Variants in RERE observed in about 807,000 individuals in gnomAD.
RERE encodes arginine-glutamic acid dipeptide repeats protein.
A neutral mutation model predicts 146.1 loss-of-function variants in RERE; 40 were observed. The observed-to-expected ratio is 0.27, with a 90% CI of 0.21 to 0.36. RERE has a LOEUF of 0.36. RERE is among the 10% of genes least tolerant of loss of function. The probability of loss-of-function intolerance (pLI) is 1.00; values close to 1 mark genes in which losing one functional copy is unlikely to be tolerated. For missense variants in RERE, 1,933 were observed against 2,138.7 expected (o/e 0.90, Z 1.90); for synonymous variants, 1,003 against 866.0 (o/e 1.16, Z -2.78).
intron 11 of RERE, among the ~76,000 whole-genome samples, chr1:8,462,833 G>A (rs927175495): frequency 2.6e-5 from 4 of 152,088 alleles, no homozygotes; most frequent in African/African-American, 9.7e-5. Context: ...GAGCCCAACA[G>A]TTTGAGTCCA....
At chr1:8,639,826 T>C (rs1295322133) in intron 2 of RERE, among the ~76,000 whole-genome samples, 1 of 152,204 alleles carries the variant, frequency 6.6e-6, no homozygotes, top group Non-Finnish European at 1.5e-5. Context: ...ATCAATTTGG[T>C]AACTGCACAG....
intron 1 of RERE, among the ~76,000 whole-genome samples, chr1:8,760,526 G>C (rs747119071): frequency 3.3e-5 from 5 of 152,160 alleles, no homozygotes; most frequent in African/African-American, 1.2e-4. Context: ...TTGGTGTGAA[G>C]GGTGAGAGGT....
At chr1:8,750,435 A>G (rs1219949699) in intron 1 of RERE, 1 of 809,118 alleles carries the variant, frequency 1.2e-6, no homozygotes, top group Non-Finnish European at 2.1e-6. Context: ...GGAACCATGG[A>G]GGGTGTTGAA....
chr1:8,444,764 C>G (rs1039339534), intron 11 of RERE, among the ~76,000 whole-genome samples: 1 of 152,150 alleles, frequency 6.6e-6, no homozygotes, highest in African/African-American at 2.4e-5. Context: ...AGCCCCACCC[C>G]CTTGCTCCTT....
chr1:8,657,323 G>GAAAAAAAAAAAAAAAAAAAAAAAAAAAA, intron 1 of RERE, among the ~76,000 whole-genome samples: 1 of 50,154 alleles, frequency 2.0e-5, no homozygotes, highest in Non-Finnish European at 4.4e-5. Context: ...AAAAAAAAAA[G>GAAAAAAAAAAAAAAAAAAAAAAAAAAAA]AAGAAGAAAA....
intron 1 of RERE, among the ~76,000 whole-genome samples, chr1:8,690,030 T>C (rs1639176326): frequency 1.3e-5 from 2 of 152,196 alleles, no homozygotes; most frequent in South Asian, 4.1e-4. Context: ...TCAGTCTCTG[T>C]AGTAACATAC....
chr1:8,719,233 CT>C (rs1639815538), intron 1 of RERE, among the ~76,000 whole-genome samples: 1 of 152,184 alleles, frequency 6.6e-6, no homozygotes, highest in Non-Finnish European at 1.5e-5. Flanking sequence ...GAGCAAGCCC[CT>C]TTCCTGCCTC....
chr1:8,595,489 A>T (rs1440714557), intron 4 of RERE, among the ~76,000 whole-genome samples: 3 of 151,392 alleles, frequency 2.0e-5, no homozygotes, highest in Admixed American at 2.0e-4. Flanking sequence ...GTATTATTTT[A>T]ATGTATTTAT....
intron 1 of RERE, among the ~76,000 whole-genome samples, chr1:8,699,684 C>A (rs1312921972): frequency 6.6e-6 from 1 of 152,218 alleles, no homozygotes; most frequent in Non-Finnish European, 1.5e-5. Flanking sequence ...AATGTTTTAA[C>A]TTCTTTTAAT....
At chr1:8,812,522 C>T (rs946107527) in intron 1 of RERE, among the ~76,000 whole-genome samples, 2 of 152,156 alleles carry the variant, frequency 1.3e-5, no homozygotes, top group African/African-American at 4.8e-5. Context: ...TGGCACATGT[C>T]TGTAATCCCA....
intron 4 of RERE, among the ~76,000 whole-genome samples, chr1:8,604,576 A>AGAAG (rs1162451160): frequency 1.8e-4 from 19 of 106,836 alleles, no homozygotes; most frequent in African/African-American, 6.2e-4. Flanking sequence ...GTTTAAAAAA[A>AGAAG]GAAGGAAGGA....
At chr1:8,808,249 C>T (rs1303217184) in intron 1 of RERE, among the ~76,000 whole-genome samples, 4 of 150,984 alleles carry the variant, frequency 2.6e-5, no homozygotes, top group South Asian at 2.1e-4. Flanking sequence ...TTACTCTATT[C>T]ACTTGGTATT....
intron 10 of RERE, among the ~76,000 whole-genome samples, chr1:8,470,767 T>C (rs916096605): frequency 1.2e-4 from 18 of 149,328 alleles, no homozygotes; most frequent in Non-Finnish European, 2.4e-4. Flanking sequence ...TTCTACCTTG[T>C]AGAAATCTTG....
rs550586094 is a variant in RERE at position 8,674,858 on chromosome 1, T to G, written c.-144-18417A>C. On this transcript the variant is annotated intron_variant, in intron 1 of 22. Transcript: ENST00000400908. ...AAGCATATACTGAAGAACTCTAGTC[T>G]CTAGTGACCCTTCAGCTCACCTGGA... 4.3e-4 allele frequency among the ~76,000 whole-genome samples: 65 copies of G among 152,294 alleles called. 1 individual carries two copies. Among genetic ancestry groups the G allele is most frequent in the Admixed American group, 2.5e-3 (39 of 15,298 alleles).
intron 2 of RERE, among the ~76,000 whole-genome samples, chr1:8,638,782 A>ATTTT (rs1557450012): frequency 1.5e-5 from 2 of 134,360 alleles, no homozygotes; most frequent in African/African-American, 5.9e-5. Flanking sequence ...GACGAAAAAA[A>ATTTT]ATTTTTTTTT....
At chr1:8,697,254 C>G (rs1241605184) in intron 1 of RERE, among the ~76,000 whole-genome samples, 1 of 152,114 alleles carries the variant, frequency 6.6e-6, no homozygotes, top group Non-Finnish European at 1.5e-5. Context: ...AAGAAGGTAA[C>G]AGTAAGAAAT....
At chr1:8,439,664 G>A (rs754340837) in intron 11 of RERE, among the ~76,000 whole-genome samples, 2 of 152,228 alleles carry the variant, frequency 1.3e-5, no homozygotes, top group African/African-American at 2.4e-5. Flanking sequence ...ACCCCCTGGC[G>A]GTTCCAGGTG....
In RERE at chr1:8,645,167, A is replaced by C. The variant is rs116165214; in HGVS notation, c.325+10806T>G. 7.6e-3 allele frequency among the ~76,000 whole-genome samples: 1,162 copies of C among 152,250 alleles called. 17 individuals carry two copies. The highest frequency in any genetic ancestry group is 0.027 in the African/African-American group (1,127 of 41,548). On this transcript the variant is annotated intron_variant, in intron 2 of 22. Coordinates refer to ENST00000400908, the MANE Select transcript of RERE (RefSeq NM_001042681.2). ...ATCCAGTAGATAGAAGGTGCTTTAA[A>C]ACTGGTTGTCACCCATGTTGTAGCT...
chr1:8,705,681 G>C (rs1036506478), intron 1 of RERE, among the ~76,000 whole-genome samples: 2 of 152,058 alleles, frequency 1.3e-5, no homozygotes, highest in African/African-American at 4.8e-5. Context: ...TCATCATGTA[G>C]ATTTATGTCA....
Sources: allele counts gnomAD v4.1 joint callset (sites outside exome capture counted in the v4.1 genomes callset), GRCh38; gene constraint gnomAD v4.1.1; transcripts MANE v1.5; gene names NCBI Gene and HGNC (gene_info 2026-07-23, HGNC 2026-07-21).